Variants in ZNF75D observed in about 807,000 individuals in gnomAD.
ZNF75D encodes zinc finger protein 75D.
Under a neutral mutation model 33.3 loss-of-function variants are expected in ZNF75D, and 33 were observed. That is an observed-to-expected ratio of 0.99 (90% CI 0.75 to 1.32). The LOEUF (loss-of-function observed/expected upper bound fraction) is 1.32, where lower values mean the gene tolerates loss of function less well. ZNF75D is among the 40% of genes most tolerant of loss of function. The probability of loss-of-function intolerance (pLI) is 0.00; values close to 1 mark genes in which losing one functional copy is unlikely to be tolerated. For missense variants in ZNF75D, 338 were observed against 367.5 expected (o/e 0.92, Z 0.66); for synonymous variants, 113 against 130.6 (o/e 0.87, Z 0.92).
At chrX:135,281,204 A>C (rs1327092999), downstream of ZNF75D, among the ~76,000 whole-genome samples, 1 of 108,425 alleles carries the variant, frequency 9.2e-6, no homozygotes, top group Non-Finnish European at 1.9e-5. Flanking sequence ...TTTTTCTCTA[A>C]TCTTGTCTTC....
intron 1 of ZNF75D, among the ~76,000 whole-genome samples, chrX:135,304,926 T>C (rs1247225728): frequency 8.9e-6 from 1 of 112,843 alleles, no homozygotes; most frequent in Non-Finnish European, 1.9e-5. Flanking sequence ...GCCATGACTC[T>C]CTGCCTTGGA....
chrX:135,303,900 CT>C (rs1438810541), intron 1 of ZNF75D, among the ~76,000 whole-genome samples: 1 of 112,712 alleles, frequency 8.9e-6, no homozygotes, highest in Non-Finnish European at 1.9e-5. Flanking sequence ...TAATTCAACT[CT>C]TTTAAAGTTA....
chrX:135,341,695 T>G (rs1465384277), intron 1 of ZNF75D, 73 bp downstream of exon 1: 3 of 112,184 alleles, frequency 2.7e-5, no homozygotes, highest in Non-Finnish European at 5.6e-5. Flanking sequence ...AATACCATAC[T>G]CCTAGAGAGA....
chrX:135,310,748 T>A (rs986258411), intron 1 of ZNF75D, among the ~76,000 whole-genome samples: 5 of 111,243 alleles, frequency 4.5e-5, no homozygotes, highest in Non-Finnish European at 1.9e-5. Context: ...AGGTCTCTTC[T>A]GGATCTGTAT....
chrX:135,256,715 T>C (rs1016592803), intron 1 of ZNF75D, among the ~76,000 whole-genome samples: 13 of 111,295 alleles, frequency 1.2e-4, no homozygotes, highest in African/African-American at 3.3e-4. Context: ...GTGCAGCTCA[T>C]AGCAATTAAA....
At chrX:135,297,446 C>T (rs1245034576) in intron 1 of ZNF75D, 1 of 111,986 alleles carries the variant, frequency 8.9e-6, no homozygotes, top group Non-Finnish European at 1.9e-5. Context: ...CATTTTATAA[C>T]TCAATGAAGA....
intron 1 of ZNF75D, among the ~76,000 whole-genome samples, chrX:135,304,171 G>A (rs1556425329): frequency 8.9e-6 from 1 of 111,786 alleles, no homozygotes; most frequent in East Asian, 2.8e-4. Context: ...ATCTCTGGCT[G>A]CCAGTGACTA....
chrX:135,309,051 G>A (rs1556426705), intron 1 of ZNF75D, among the ~76,000 whole-genome samples: 1 of 112,322 alleles, frequency 8.9e-6, no homozygotes, highest in African/African-American at 3.2e-5. Context: ...ACAAAATGCA[G>A]TAGAAGAAAG....
At chrX:135,284,084 C>T (rs1556418964), downstream of ZNF75D, among the ~76,000 whole-genome samples, 1 of 111,963 alleles carries the variant, frequency 8.9e-6, no homozygotes, top group East Asian at 2.8e-4. Context: ...TACCCCCTCA[C>T]ACTTGGTTCA....
chrX:135,291,747 A>G, intron 4 of ZNF75D, 184 bp from the exon 5 acceptor site: 1 of 499,226 alleles, frequency 2.0e-6, no homozygotes, highest in Admixed American at 4.2e-5. Context: ...CCACTCATAC[A>G]ACCAGTTCCC....
At chrX:135,297,090 A>G (rs1448508022) in intron 1 of ZNF75D, 2 of 112,288 alleles carry the variant, frequency 1.8e-5, no homozygotes, top group Non-Finnish European at 3.8e-5. Flanking sequence ...AAAATTGCCA[A>G]TGTGAATCTA....
intron 1 of ZNF75D, among the ~76,000 whole-genome samples, chrX:135,258,574 T>A (rs1217855758): frequency 1.8e-5 from 2 of 112,272 alleles, no homozygotes; most frequent in Admixed American, 9.4e-5. Flanking sequence ...CATGTCCCTG[T>A]TGGCTGCATA....
chrX:135,334,786 G>A (rs781852467), intron 1 of ZNF75D, among the ~76,000 whole-genome samples: 18 of 111,552 alleles, frequency 1.6e-4, no homozygotes, highest in Non-Finnish European at 3.0e-4. Flanking sequence ...CGCCCAGTGT[G>A]TCATGTATAT....
chrX:135,302,648 T>C (rs2084233311), intron 1 of ZNF75D, among the ~76,000 whole-genome samples: 1 of 111,944 alleles, frequency 8.9e-6, no homozygotes, highest in African/African-American at 3.2e-5. Flanking sequence ...ACAGTAACCG[T>C]AGTCAGTCGT....
chrX:135,265,355 G>A (rs1352718417), intron 1 of ZNF75D, among the ~76,000 whole-genome samples: 2 of 111,504 alleles, frequency 1.8e-5, no homozygotes, highest in Non-Finnish European at 3.8e-5. Context: ...GTACAAGAAG[G>A]CTATAGAACA....
intron 1 of ZNF75D, among the ~76,000 whole-genome samples, chrX:135,339,493 C>T: frequency 8.9e-6 from 1 of 112,123 alleles, no homozygotes; most frequent in Middle Eastern, 4.7e-3. Context: ...GTGTGGGGCA[C>T]TGAGGGCAGG....
chrX:135,332,057 G>A (rs1402024216), intron 1 of ZNF75D, among the ~76,000 whole-genome samples: 1 of 110,990 alleles, frequency 9.0e-6, no homozygotes, highest in Non-Finnish European at 1.9e-5. Flanking sequence ...CTATTTTCCT[G>A]CAGTCCAGCA....
rs2083963985 is a variant in ZNF75D at position 135,287,125 on chromosome X, T to G, written c.*12A>C. ...ACCACTTCTAAAGTCAAGCTCTACA[T>G]GGTAACTTTCCTCAGTTTGGAGACA... is the stretch of plus-strand genomic sequence containing the variant. On this transcript the variant is annotated 3_prime_UTR_variant, in exon 7 of 7. Transcript: ENST00000370766. 4 of 1,175,601 alleles carry G rather than the reference T, an allele frequency of 3.4e-6. No individual in the cohort carries two copies. Among genetic ancestry groups the G allele is most frequent in the Admixed American group, 2.6e-5 (1 of 38,746 alleles).
intron 1 of ZNF75D, among the ~76,000 whole-genome samples, chrX:135,308,671 A>G (rs2084319353): frequency 8.9e-6 from 1 of 112,118 alleles, no homozygotes; most frequent in Non-Finnish European, 1.9e-5. Flanking sequence ...TTCAAGTATA[A>G]TACCACTCAG....
Sources: gnomAD v4.1 joint callset for allele counts (sites outside exome capture counted in the v4.1 genomes callset) on GRCh38, gnomAD v4.1.1 for gene constraint, MANE v1.5 for transcripts, NCBI Gene and HGNC (gene_info 2026-07-23, HGNC 2026-07-21) for gene names.